Variants in RASGRF2 observed in about 807,000 individuals in gnomAD.
The protein encoded by RASGRF2 is ras-specific guanine nucleotide-releasing factor 2.
RASGRF2 carries 76 observed loss-of-function variants against 151.0 expected under a neutral mutation model. The observed-to-expected ratio is 0.50, with a 90% CI of 0.42 to 0.61. The LOEUF (loss-of-function observed/expected upper bound fraction) is 0.61, where lower values mean the gene tolerates loss of function less well. Ranked by LOEUF, RASGRF2 falls within the 20% of genes least tolerant of loss-of-function variation. The pLI, the probability that RASGRF2 is intolerant of heterozygous loss-of-function variation, is 0.00. For missense variants in RASGRF2, 1,148 were observed against 1,564.6 expected (o/e 0.73, Z 4.49); for synonymous variants, 504 against 566.5 (o/e 0.89, Z 1.57).
chr5:81,008,957 G>A (rs369066317), intron 1 of RASGRF2, among the ~76,000 whole-genome samples: 1 of 152,184 alleles, frequency 6.6e-6, no homozygotes, highest in African/African-American at 2.4e-5. Flanking sequence ...AGAACTTCAA[G>A]TCAGAGTCCT....
chr5:80,982,328 T>C (rs1748328059), intron 1 of RASGRF2, among the ~76,000 whole-genome samples: 1 of 151,994 alleles, frequency 6.6e-6, no homozygotes, highest in Admixed American at 6.6e-5. Context: ...TGGGCGGGGG[T>C]TAGTAAAGGC....
chr5:81,022,755 C>T (rs1749874409), intron 1 of RASGRF2, among the ~76,000 whole-genome samples: 1 of 152,146 alleles, frequency 6.6e-6, no homozygotes, highest in South Asian at 2.1e-4. Context: ...CTAGCTTCGA[C>T]CTTTGGGCTG....
At chr5:81,155,244 C>A (rs1754233559) in intron 17 of RASGRF2, among the ~76,000 whole-genome samples, 1 of 152,072 alleles carries the variant, frequency 6.6e-6, no homozygotes, top group Non-Finnish European at 1.5e-5. Context: ...TTTCCACCCT[C>A]AGAAATTATT....
chr5:81,152,818 C>T (rs1007473052), intron 17 of RASGRF2, among the ~76,000 whole-genome samples: 1 of 152,216 alleles, frequency 6.6e-6, no homozygotes, highest in Non-Finnish European at 1.5e-5. Context: ...TAGCCTGAGA[C>T]TGCTCTTGTC....
At chr5:80,989,695 T>G (rs1748587472) in intron 1 of RASGRF2, among the ~76,000 whole-genome samples, 1 of 152,202 alleles carries the variant, frequency 6.6e-6, no homozygotes, top group African/African-American at 2.4e-5. Flanking sequence ...TAGCCTGCTC[T>G]CCTCACGTGC....
At chr5:81,136,593 T>G (rs1388573598) in intron 17 of RASGRF2, among the ~76,000 whole-genome samples, 1 of 152,226 alleles carries the variant, frequency 6.6e-6, no homozygotes, top group Non-Finnish European at 1.5e-5. Flanking sequence ...TATGCCTAGA[T>G]GTGATTGTCT....
At chr5:81,171,631 G>A (rs1422667662) in intron 17 of RASGRF2, among the ~76,000 whole-genome samples, 1 of 152,108 alleles carries the variant, frequency 6.6e-6, no homozygotes, top group East Asian at 1.9e-4. Context: ...AGGCCTTTCT[G>A]AGTAATATGG....
chr5:81,005,897 G>C (rs988916712), intron 1 of RASGRF2, among the ~76,000 whole-genome samples: 1 of 152,172 alleles, frequency 6.6e-6, no homozygotes, highest in South Asian at 2.1e-4. Context: ...TAGAGTTCCA[G>C]GTCAGCGCCT....
chr5:81,087,516 G>A, intron 9 of RASGRF2: 1 of 600,488 alleles, frequency 1.7e-6, no homozygotes, highest in Non-Finnish European at 3.0e-6. Flanking sequence ...TGTCGTGTTT[G>A]CGAAGTGTGC....
chr5:81,185,002 AG>A (rs1191866131), intron 18 of RASGRF2, among the ~76,000 whole-genome samples: 1 of 152,250 alleles, frequency 6.6e-6, no homozygotes, highest in African/African-American at 2.4e-5. Context: ...CCAAAGGCAC[AG>A]GGGCAGGTAA....
intron 1 of RASGRF2, among the ~76,000 whole-genome samples, chr5:80,993,023 T>C (rs1748703663): frequency 6.6e-6 from 1 of 152,212 alleles, no homozygotes; most frequent in East Asian, 1.9e-4. Context: ...GAATCCTGTG[T>C]GTGTTTTGAA....
intron 12 of RASGRF2, among the ~76,000 whole-genome samples, chr5:81,100,388 A>G (rs1433835650): frequency 6.6e-6 from 1 of 152,070 alleles, no homozygotes; most frequent in Non-Finnish European, 1.5e-5. Context: ...TAGCTTTGCC[A>G]GGTCTCTCTC....
intron 1 of RASGRF2, among the ~76,000 whole-genome samples, chr5:80,986,238 T>A (rs1281830047): frequency 6.6e-6 from 1 of 152,224 alleles, no homozygotes; most frequent in Non-Finnish European, 1.5e-5. Flanking sequence ...GCACATCATT[T>A]AAAAAATTGG....
At chr5:81,059,440 C>T (rs561141388) in intron 2 of RASGRF2, among the ~76,000 whole-genome samples, 4 of 151,428 alleles carry the variant, frequency 2.6e-5, no homozygotes, top group East Asian at 3.9e-4. Flanking sequence ...GCTTACACCT[C>T]GCTGGACTGG....
chr5:80,984,054 CCTT>C (rs1748398730), intron 1 of RASGRF2, among the ~76,000 whole-genome samples: 2 of 151,940 alleles, frequency 1.3e-5, no homozygotes, highest in East Asian at 1.9e-4. Flanking sequence ...GCTCGTTTTT[CCTT>C]CTTCTTCATC....
intron 17 of RASGRF2, among the ~76,000 whole-genome samples, chr5:81,137,264 G>A (rs1753776175): frequency 6.6e-6 from 1 of 152,134 alleles, no homozygotes; most frequent in South Asian, 2.1e-4. Flanking sequence ...GTAGGCTACT[G>A]TCCTGAGCAC....
Position 81,028,102 on chromosome 5 carries a change from A to G in RASGRF2, c.289-14775A>G, listed in dbSNP as rs1394751447. On this transcript the variant is annotated intron_variant, in intron 1 of 26. Transcript: ENST00000265080. ...TCTGGTCTGGGATTCTTGAGGGTCCAGATAAATATACAGAATTGGAGGGAA... is the reference window on the plus strand; with the variant it reads ...TCTGGTCTGGGATTCTTGAGGGTCCGGATAAATATACAGAATTGGAGGGAA... 2.0e-5 allele frequency among the ~76,000 whole-genome samples: 3 copies of G among 152,154 alleles called. 1 individual carries two copies. The South Asian group carries it at 6.2e-4, about 32-fold the overall frequency.
intron 1 of RASGRF2, among the ~76,000 whole-genome samples, chr5:81,014,658 A>G (rs1041813245): frequency 6.6e-6 from 1 of 152,156 alleles, no homozygotes; most frequent in Non-Finnish European, 1.5e-5. Context: ...CTAATATGAT[A>G]TTTTACAACT....
intron 1 of RASGRF2, among the ~76,000 whole-genome samples, chr5:80,986,035 G>A (rs1257650114): frequency 6.6e-6 from 1 of 152,048 alleles, no homozygotes; most frequent in East Asian, 1.9e-4. Flanking sequence ...TAAGAAACTG[G>A]TTTTTATTAT....
Sources: allele counts gnomAD v4.1 joint callset (sites outside exome capture counted in the v4.1 genomes callset), GRCh38; gene constraint gnomAD v4.1.1; transcripts MANE v1.5; gene names NCBI Gene and HGNC (gene_info 2026-07-23, HGNC 2026-07-21).